The following LYN variants were observed in gnomAD, a reference collection of about 807,000 sequenced individuals.
LYN encodes LYN proto-oncogene, Src family tyrosine kinase.
Under a neutral mutation model 65.0 loss-of-function variants are expected in LYN, and 12 were observed. The ratio of observed to expected loss-of-function variants is 0.18; its 90% CI spans 0.12 to 0.30. The LOEUF is 0.30. Ranked by LOEUF, LYN falls within the 10% of genes least tolerant of loss-of-function variation. LYN has a pLI of 1.00. For synonymous variants in LYN, 222 were observed against 221.2 expected (o/e 1.00, Z -0.03); for missense variants, 380 against 623.2 (o/e 0.61, Z 4.16).
At chr8:55,938,353 T>C (rs549317933) in intron 1 of LYN, among the ~76,000 whole-genome samples, 1 of 152,356 alleles carries the variant, frequency 6.6e-6, no homozygotes, top group African/African-American at 2.4e-5. Flanking sequence ...AATATGTCTT[T>C]ATTTACTGTT....
At chr8:55,912,737 AC>A (rs5891600) in intron 1 of LYN, among the ~76,000 whole-genome samples, 75,190 of 139,110 alleles carry the variant, frequency 0.54, 20,283 homozygotes, top group East Asian at 0.69. Flanking sequence ...AAAAAAAAAA[AC>A]AAAACAAAAC....
At chr8:55,919,645 A>G (rs1805886111) in intron 1 of LYN, among the ~76,000 whole-genome samples, 1 of 152,206 alleles carries the variant, frequency 6.6e-6, no homozygotes, top group Non-Finnish European at 1.5e-5. Context: ...GCCCGTGGGA[A>G]CAAGTAACTT....
intron 8 of LYN, among the ~76,000 whole-genome samples, chr8:55,959,027 C>T (rs1807201188): frequency 6.6e-6 from 1 of 152,192 alleles, no homozygotes; most frequent in African/African-American, 2.4e-5. Context: ...TTTGGAGGAA[C>T]TGCCGTACTG....
chr8:55,987,521 G>A (rs1052095797), intron 10 of LYN, among the ~76,000 whole-genome samples: 1 of 152,084 alleles, frequency 6.6e-6, no homozygotes, highest in African/African-American at 2.4e-5. Context: ...TCCGCTTCCT[G>A]GGTTCAAGCC....
At chr8:56,001,304 A>G (rs1808504625) in intron 12 of LYN, among the ~76,000 whole-genome samples, 1 of 152,206 alleles carries the variant, frequency 6.6e-6, no homozygotes, top group Non-Finnish European at 1.5e-5. Flanking sequence ...CAGTCGATGG[A>G]TGAGAAAGAA....
chr8:55,911,285 ATTTT>A (rs1209633804), intron 1 of LYN, among the ~76,000 whole-genome samples: 61 of 27,700 alleles, frequency 2.2e-3, no homozygotes, highest in African/African-American at 8.0e-3. Flanking sequence ...ATATATATAT[ATTTT>A]TTTTTTTTTT....
chr8:55,912,518 G>A (rs1168765244), intron 1 of LYN, among the ~76,000 whole-genome samples: 1 of 152,156 alleles, frequency 6.6e-6, no homozygotes, highest in South Asian at 2.1e-4. Flanking sequence ...TGAGGTCCAG[G>A]AGTTCGAGAC....
At chr8:55,947,055 C>G (rs1806800126) in intron 3 of LYN, among the ~76,000 whole-genome samples, 1 of 152,200 alleles carries the variant, frequency 6.6e-6, no homozygotes, top group Non-Finnish European at 1.5e-5. Flanking sequence ...CGAGACCAGC[C>G]TGGTCAACAT....
intron 10 of LYN, among the ~76,000 whole-genome samples, chr8:55,985,222 A>G (rs1808043495): frequency 6.6e-6 from 1 of 152,210 alleles, no homozygotes; most frequent in Admixed American, 6.5e-5. Context: ...TTGTTTGCTG[A>G]AATCACTAGG....
At chr8:55,994,405 A>G (rs945213787) in intron 10 of LYN, among the ~76,000 whole-genome samples, 1 of 152,358 alleles carries the variant, frequency 6.6e-6, no homozygotes, top group South Asian at 2.1e-4. Flanking sequence ...AAGAAGGCCA[A>G]AATACACTAG....
chr8:56,001,404 GGGAAGGCTTTTGGACAGA>G (rs1808508092), intron 12 of LYN, among the ~76,000 whole-genome samples: 1 of 152,168 alleles, frequency 6.6e-6, no homozygotes, highest in African/African-American at 2.4e-5. Flanking sequence ...ATGCAAACCA[GGGAAGGCTTTTGGACAGA>G]GCAGCCACAC....
chr8:55,929,480 C>G (rs753155414), intron 1 of LYN, among the ~76,000 whole-genome samples: 21 of 152,160 alleles, frequency 1.4e-4, no homozygotes, highest in African/African-American at 5.1e-4. Context: ...CATTTTATAA[C>G]AGGATATTAA....
chr8:55,928,004 A>G (rs560777294), intron 1 of LYN, among the ~76,000 whole-genome samples: 1 of 152,310 alleles, frequency 6.6e-6, no homozygotes, highest in South Asian at 2.1e-4. Flanking sequence ...GTCTTCCAGA[A>G]TGGTTGGGTC....
Position 55,947,736 on chromosome 8 carries a change from A to C in LYN, c.284+13A>C. 4 of 1,574,220 alleles carry C rather than the reference A, an allele frequency of 2.5e-6. No homozygotes were observed. In the African/African-American group the frequency reaches 4.0e-5, roughly 16 times the overall value. On this transcript the variant is annotated intron_variant, in intron 4 of 12. Coordinates refer to ENST00000519728, the MANE Select transcript of LYN (RefSeq NM_002350.4). ...AAGTCCTGGAGGAGTAAGTGCTCTC[A>C]AGCACGCCACGGCTGCTCGTTTCCT...
At chr8:55,905,017 G>A (rs1203272848) in intron 1 of LYN, among the ~76,000 whole-genome samples, 1 of 152,168 alleles carries the variant, frequency 6.6e-6, no homozygotes, top group Admixed American at 6.5e-5. Flanking sequence ...CTAAGCATCA[G>A]TATTTTTTAG....
chr8:56,002,226 T>C (rs1808533128), intron 12 of LYN, among the ~76,000 whole-genome samples: 3 of 152,158 alleles, frequency 2.0e-5, no homozygotes, highest in Admixed American at 2.0e-4. Context: ...AAGACCATCC[T>C]GGCTAATATG....
At chr8:55,884,327 A>C (rs1804729446) in intron 1 of LYN, among the ~76,000 whole-genome samples, 1 of 151,344 alleles carries the variant, frequency 6.6e-6, no homozygotes, top group East Asian at 1.9e-4. Flanking sequence ...CTGGTCTTGA[A>C]CTCCTGACCC....
intron 1 of LYN, among the ~76,000 whole-genome samples, chr8:55,939,527 C>A (rs910779513): frequency 1.3e-4 from 20 of 150,134 alleles, no homozygotes; most frequent in African/African-American, 4.7e-4. Flanking sequence ...ACTGCAGGAA[C>A]GCAGTGGGGG....
At chr8:56,009,823 G>T in intron 12 of LYN, 85 bp from the exon 13 acceptor site, 4 of 1,067,218 alleles carry the variant, frequency 3.7e-6, no homozygotes, top group Non-Finnish European at 4.2e-6. Context: ...GATGTGAGGA[G>T]CAAAAAGACC....
Sources: allele counts gnomAD v4.1 joint callset (sites outside exome capture counted in the v4.1 genomes callset), GRCh38; gene constraint gnomAD v4.1.1; transcripts MANE v1.5; gene names NCBI Gene and HGNC (gene_info 2026-07-23, HGNC 2026-07-21).